Variants in ATP1B1 observed in about 807,000 individuals in gnomAD.
The protein encoded by ATP1B1 is ATPase Na+/K+ transporting subunit beta 1.
Under a neutral mutation model 39.6 loss-of-function variants are expected in ATP1B1, and 3 were observed. That is an observed-to-expected ratio of 0.08 (90% CI 0.03 to 0.20). The LOEUF (loss-of-function observed/expected upper bound fraction) is 0.20. ATP1B1 is among the 10% of genes least tolerant of loss of function. The pLI is 1.00. For synonymous variants in ATP1B1, 139 were observed against 135.0 expected (o/e 1.03, Z -0.20); for missense variants, 216 against 371.1 (o/e 0.58, Z 3.43).
intron 3 of ATP1B1, among the ~76,000 whole-genome samples, chr1:169,126,759 T>A (rs1658095687): frequency 6.6e-6 from 1 of 152,062 alleles, no homozygotes; most frequent in Non-Finnish European, 1.5e-5. Context: ...AGTTCCTTTT[T>A]AAAAATTCTG....
At chr1:169,125,315 C>G (rs538579651) in intron 3 of ATP1B1, among the ~76,000 whole-genome samples, 1 of 146,830 alleles carries the variant, frequency 6.8e-6, no homozygotes, top group Non-Finnish European at 1.5e-5. Context: ...ACAGCAATTC[C>G]GGTTTTCTTT....
At chr1:169,110,699 A>G (rs1166576811) in intron 1 of ATP1B1, 2 of 1,282,574 alleles carry the variant, frequency 1.6e-6, no homozygotes, top group Non-Finnish European at 2.0e-6. Flanking sequence ...AGATGGAATT[A>G]AAATGTGCTG....
rs1411150232 is a variant in ATP1B1, at chr1:169,132,091, A to G, written c.*536A>G. The G allele has an allele frequency of 1.3e-5, 5 of 392,414 alleles. No individual in the cohort carries two copies. The highest frequency in any genetic ancestry group is 5.1e-5 in the African/African-American group (2 of 39,208). The allele number at this position is 392,414 out of a possible 1,614,324, so 24.3% of individuals were successfully genotyped here. A position where few individuals can be genotyped will look rare whatever the true frequency, so the allele number is the denominator to read the frequency against. Reference sequence around the variant, plus strand: ...TGGCCCATCGATGAGCATTTTTAACATACTCCATAGTCTTTTCCTGTGGTG... The same window carrying G: ...TGGCCCATCGATGAGCATTTTTAACGTACTCCATAGTCTTTTCCTGTGGTG... On this transcript the variant is annotated 3_prime_UTR_variant, in exon 6 of 6. Coordinates refer to ENST00000367815, the MANE Select transcript of ATP1B1 (RefSeq NM_001677.4).
At chr1:169,123,047 T>G (rs1474725924) in intron 2 of ATP1B1, among the ~76,000 whole-genome samples, 2 of 152,188 alleles carry the variant, frequency 1.3e-5, no homozygotes, top group African/African-American at 2.4e-5. Context: ...CACCTCATTA[T>G]GTAACCACTT....
chr1:169,110,590 T>TTG, intron 1 of ATP1B1: 1 of 1,097,416 alleles, frequency 9.1e-7, no homozygotes, highest in Non-Finnish European at 1.2e-6. Context: ...TTTTTTTGCT[T>TTG]TTGCAGCTAT....
chr1:169,124,957 A>G lies in ATP1B1; in HGVS notation c.300A>G (p.Ala100=), dbSNP rs367624941. 74 of 1,614,086 alleles carry G rather than the reference A, an allele frequency of 4.6e-5. No individual in the cohort carries two copies. The highest frequency in any genetic ancestry group is 5.9e-5 in the Non-Finnish European group (70 of 1,179,950). Residue 100 remains alanine, a synonymous_variant, in exon 3 of 6, where the codon GCA becomes GCG. Coordinates refer to ENST00000367815, the MANE Select transcript of ATP1B1 (RefSeq NM_001677.4). ...FRPNDPKSYE[A]YVLNIVRFLE... The stretch of plus-strand genomic sequence containing the variant: ...CTAATGATCCCAAGAGCTATGAGGC[A>G]TATGTACTGAACATAGTTAGGTTCC...
In ATP1B1 at chr1:169,132,109, C is replaced by A; in HGVS notation, c.*554C>A. 1 of 426,336 alleles carries A rather than the reference C, an allele frequency of 2.3e-6. No homozygotes were observed. The highest frequency in any genetic ancestry group is 4.6e-6 in the Non-Finnish European group (1 of 217,974). 26.4% of individuals were successfully genotyped at this position (426,336 alleles called of 1,614,324 possible). On this transcript the variant is annotated 3_prime_UTR_variant, in exon 6 of 6. Coordinates refer to ENST00000367815, the MANE Select transcript of ATP1B1 (RefSeq NM_001677.4). The stretch of plus-strand genomic sequence containing the variant: ...TTTTAACATACTCCATAGTCTTTTC[C>A]TGTGGTGTTAGGTCTTTATTTTTAT...
At chr1:169,130,857 C>T (rs11809180) in intron 5 of ATP1B1, among the ~76,000 whole-genome samples, 19,105 of 144,738 alleles carry the variant, frequency 0.13, 2,479 homozygotes, top group East Asian at 0.74. Flanking sequence ...GATCCAAAAA[C>T]TAATGGACCG....
At chr1:169,110,049 T>G (rs1222623450) in intron 1 of ATP1B1, among the ~76,000 whole-genome samples, 1 of 152,150 alleles carries the variant, frequency 6.6e-6, no homozygotes, top group African/African-American at 2.4e-5. Flanking sequence ...TTTGCTTTTT[T>G]CCTTGTTATT....
At chr1:169,113,153 C>T (rs1657763910) in intron 2 of ATP1B1, among the ~76,000 whole-genome samples, 1 of 151,928 alleles carries the variant, frequency 6.6e-6, no homozygotes, top group Non-Finnish European at 1.5e-5. Flanking sequence ...GCAGTCTCCG[C>T]CTCTCAGGTT....
intron 2 of ATP1B1, among the ~76,000 whole-genome samples, chr1:169,119,570 G>C (rs1466349022): frequency 6.6e-6 from 1 of 152,190 alleles, no homozygotes; most frequent in Admixed American, 6.5e-5. Context: ...GGGAGAAAGC[G>C]TCTGGTCTAG....
chr1:169,129,641 A>G (rs1197247777), intron 4 of ATP1B1, among the ~76,000 whole-genome samples: 1 of 152,264 alleles, frequency 6.6e-6, no homozygotes, highest in East Asian at 1.9e-4. Context: ...CAGAAATGTC[A>G]ATCATCTTTC....
intron 2 of ATP1B1, among the ~76,000 whole-genome samples, chr1:169,122,561 T>C (rs12077900): frequency 0.014 from 2,149 of 152,274 alleles, 48 homozygotes; most frequent in African/African-American, 0.049. Context: ...TAAATTGCTT[T>C]AGAAATACTA....
chr1:169,116,630 C>T (rs2101781014), intron 2 of ATP1B1, among the ~76,000 whole-genome samples: 1 of 152,246 alleles, frequency 6.6e-6, no homozygotes, highest in East Asian at 1.9e-4. Flanking sequence ...GCAGGCAGAT[C>T]ACCCGAGGTC....
At chr1:169,109,277 A>T (rs1657677117) in intron 1 of ATP1B1, among the ~76,000 whole-genome samples, 1 of 152,074 alleles carries the variant, frequency 6.6e-6, no homozygotes, top group Non-Finnish European at 1.5e-5. Context: ...ACTTTTTTTT[A>T]AAAGAAGAAA....
chr1:169,113,863 G>GC (rs1234650230), intron 2 of ATP1B1, among the ~76,000 whole-genome samples: 2 of 152,126 alleles, frequency 1.3e-5, no homozygotes, highest in Non-Finnish European at 2.9e-5. Flanking sequence ...TTGTTCTTTG[G>GC]CCTGGTAATT....
At chr1:169,127,887 T>C (rs1292545160) in intron 4 of ATP1B1, among the ~76,000 whole-genome samples, 2 of 152,174 alleles carry the variant, frequency 1.3e-5, no homozygotes, top group East Asian at 1.9e-4. Flanking sequence ...TTCAAAAAAA[T>C]TGATAATCTG....
At chr1:169,108,964 A>G (rs1272903859) in intron 1 of ATP1B1, among the ~76,000 whole-genome samples, 1 of 152,196 alleles carries the variant, frequency 6.6e-6, no homozygotes, top group Non-Finnish European at 1.5e-5. Context: ...CTACGGAGAA[A>G]ATGCCCCTTT....
chr1:169,109,048 A>G lies in ATP1B1; in HGVS notation c.97+2122A>G, dbSNP rs187374466. ...CCTTGGCTCGATTTTGCTTATAGGTAGATTTTCACCAAGATGGACGCAGGA... is the reference window on the plus strand; with the variant it reads ...CCTTGGCTCGATTTTGCTTATAGGTGGATTTTCACCAAGATGGACGCAGGA... On this transcript the variant is annotated intron_variant, in intron 1 of 5. Coordinates refer to ENST00000367815, the MANE Select transcript of ATP1B1 (RefSeq NM_001677.4). 5.9e-5 allele frequency among the ~76,000 whole-genome samples: 9 copies of G among 152,326 alleles called. 1 individual carries two copies. In the East Asian group the frequency reaches 1.7e-3, roughly 29 times the overall value.
Sources: allele counts gnomAD v4.1 joint callset (sites outside exome capture counted in the v4.1 genomes callset), GRCh38; gene constraint gnomAD v4.1.1; transcripts MANE v1.5; gene names NCBI Gene and HGNC (gene_info 2026-07-23, HGNC 2026-07-21).